TAF2: variants seen among roughly 807,000 people sequenced by gnomAD.
TAF2 encodes transcription initiation factor TFIID subunit 2.
A neutral mutation model predicts 138.5 loss-of-function variants in TAF2; 61 were observed. That is an observed-to-expected ratio of 0.44 (90% CI 0.36 to 0.54). TAF2 has a LOEUF of 0.54. TAF2 is among the 20% of genes least tolerant of loss of function. The pLI is 0.00. For synonymous variants in TAF2, 475 were observed against 469.9 expected, an observed-to-expected ratio of 1.01 and a Z score of -0.14; for missense variants, 1,090 against 1,427.9, an observed-to-expected ratio of 0.76 and a Z score of 3.81.
intron 24 of TAF2, among the ~76,000 whole-genome samples, chr8:119,744,064 T>C (rs949730415): frequency 2.6e-5 from 4 of 152,206 alleles, no homozygotes; most frequent in African/African-American, 4.8e-5. Context: ...ATGGATTTTA[T>C]ACAAGCAAAT....
intron 22 of TAF2, among the ~76,000 whole-genome samples, chr8:119,751,828 T>C (rs1820375080): frequency 6.6e-6 from 1 of 152,234 alleles, no homozygotes; most frequent in African/African-American, 2.4e-5. Flanking sequence ...TAAAAGGTCC[T>C]TGTCTTTAAA....
At chr8:119,760,916 A>G (rs1821020555) in intron 19 of TAF2, among the ~76,000 whole-genome samples, 178 bp from the exon 20 acceptor site, 1 of 152,236 alleles carries the variant, frequency 6.6e-6, no homozygotes, top group Admixed American at 6.5e-5. Context: ...TCAATGATGA[A>G]CTGCATATAC....
At chr8:119,799,330 C>T (rs994759821) in intron 6 of TAF2, among the ~76,000 whole-genome samples, 7 of 151,980 alleles carry the variant, frequency 4.6e-5, no homozygotes, top group Admixed American at 3.9e-4. Flanking sequence ...CGACAGGCCC[C>T]GGTGTGTGAT....
intron 6 of TAF2, among the ~76,000 whole-genome samples, chr8:119,800,196 T>C (rs112195289): frequency 3.3e-5 from 5 of 152,208 alleles, no homozygotes; most frequent in African/African-American, 9.7e-5. Flanking sequence ...GCTTTTGGTG[T>C]TTTAGATAAG....
rs1443731938 is a variant in TAF2, at chr8:119,788,091, G to A, written c.1793+247C>T. 2.0e-5 allele frequency among the ~76,000 whole-genome samples: 3 copies of A among 152,260 alleles called. No homozygotes were observed. The East Asian group carries it at 5.8e-4, about 29-fold the overall frequency. On this transcript the variant is annotated intron_variant, in intron 14 of 25. Transcript: ENST00000378164. Reference sequence around the variant, plus strand: ...CATCACACACCGGGGCCTGTCAGGAGGTGGGGGGCTAGGGGAAGGAGAGCA... The same window carrying A: ...CATCACACACCGGGGCCTGTCAGGAAGTGGGGGGCTAGGGGAAGGAGAGCA...
chr8:119,746,750 T>C lies in TAF2; in HGVS notation c.3063A>G (p.Ala1021=), dbSNP rs746738177. ...GCTGTGGGTGACTGCTTGGATTATT[T>C]GCAGCTTCTTGGTTGCCTGCTACTG... ...PESVAGNQEA[A]NNPSSHPQLV... Residue 1021 remains alanine (A), a synonymous_variant, in exon 23 of 26, where the codon GCA becomes GCG. Transcript: ENST00000378164. 93 of 1,614,174 alleles carry C rather than the reference T, an allele frequency of 5.8e-5. No individual in the cohort carries two copies. In the Admixed American group the frequency reaches 9.3e-4, roughly 16 times the overall value.
chr8:119,763,097 C>G (rs922851408), intron 18 of TAF2, among the ~76,000 whole-genome samples: 1 of 152,130 alleles, frequency 6.6e-6, no homozygotes, highest in Non-Finnish European at 1.5e-5. Flanking sequence ...TGTGATAACA[C>G]AAACTGCCAA....
intron 19 of TAF2, among the ~76,000 whole-genome samples, chr8:119,760,955 TTATC>T (rs1377762416): frequency 3.3e-5 from 5 of 149,956 alleles, no homozygotes; most frequent in African/African-American, 1.3e-4. Context: ...TAAAATTAAT[TTATC>T]ACTAAAGAAA....
chr8:119,751,970 G>A lies in TAF2; in HGVS notation c.2878+4036C>T, dbSNP rs993431318. 3.9e-5 allele frequency among the ~76,000 whole-genome samples: 6 copies of A among 152,000 alleles called. No homozygotes were observed. The East Asian group carries it at 9.7e-4, about 24-fold the overall frequency. On this transcript the variant is annotated intron_variant, in intron 22 of 25. Transcript: ENST00000378164. ...GGTGGGGTTTAATGATCATATTGTC[G>A]ATATGTAGAATGACCTTATTCTCAG...
At chr8:119,765,562 G>T (rs181760385) in intron 18 of TAF2, among the ~76,000 whole-genome samples, 7 of 152,242 alleles carry the variant, frequency 4.6e-5, no homozygotes, top group Admixed American at 2.6e-4. Flanking sequence ...TGGAGGGGTG[G>T]ACTGGGACCA....
Position 119,785,276 on chromosome 8 carries a change from A to G in TAF2, c.1794-10T>C, listed in dbSNP as rs1276297168. 1 of 1,598,040 alleles carries G rather than the reference A, an allele frequency of 6.3e-7. No individual in the cohort carries two copies. Among genetic ancestry groups the G allele is most frequent in the Admixed American group, 1.7e-5 (1 of 59,942 alleles). ...TTTTTTCTTTTTATTCCTACATTTA[A>G]GAAAAAGTAGGTTGGAAAATTGTGA... On this transcript the variant is annotated splice_polypyrimidine_tract_variant and intron_variant, in intron 14 of 25. Transcript: ENST00000378164.
intron 22 of TAF2, among the ~76,000 whole-genome samples, 166 bp from the exon 23 acceptor site, chr8:119,747,100 C>T (rs1294368498): frequency 2.0e-5 from 3 of 152,164 alleles, no homozygotes. Flanking sequence ...TCTAACATTC[C>T]AAAAACTGTA....
At chr8:119,784,783 A>G (rs2131146537) in intron 15 of TAF2, among the ~76,000 whole-genome samples, 1 of 152,324 alleles carries the variant, frequency 6.6e-6, no homozygotes, top group South Asian at 2.1e-4. Context: ...AGGACAAAGA[A>G]TCAATATCAC....
chr8:119,738,214 A>G (rs908914614), intron 25 of TAF2, among the ~76,000 whole-genome samples: 1 of 152,054 alleles, frequency 6.6e-6, no homozygotes, highest in African/African-American at 2.4e-5. Context: ...TCTCTCCTAA[A>G]TAATGTTTAC....
intron 18 of TAF2, among the ~76,000 whole-genome samples, chr8:119,764,211 G>A (rs1821271895): frequency 6.6e-6 from 1 of 151,978 alleles, no homozygotes; most frequent in African/African-American, 2.4e-5. Context: ...GGTCTGGTGG[G>A]GATATTAGAT....
intron 1 of TAF2, 59 bp from the exon 2 acceptor site, chr8:119,831,790 A>C: frequency 8.9e-7 from 1 of 1,119,074 alleles, no homozygotes; most frequent in Non-Finnish European, 1.3e-6. Flanking sequence ...ATTAAATCAA[A>C]GTATAATTCT....
At chr8:119,753,318 AT>A (rs1051442848) in intron 22 of TAF2, among the ~76,000 whole-genome samples, 2 of 152,084 alleles carry the variant, frequency 1.3e-5, no homozygotes, top group Non-Finnish European at 2.9e-5. Context: ...TTGCCATTAA[AT>A]TTTTTTAAAT....
chr8:119,807,783 G>A (rs1452187758), intron 3 of TAF2, among the ~76,000 whole-genome samples: 4 of 152,098 alleles, frequency 2.6e-5, no homozygotes, highest in Admixed American at 6.6e-5. Context: ...TTAGCCAGGC[G>A]TGGTGGTGCA....
intron 3 of TAF2, among the ~76,000 whole-genome samples, chr8:119,811,595 A>C (rs1271105904): frequency 6.6e-6 from 1 of 151,926 alleles, no homozygotes; most frequent in Non-Finnish European, 1.5e-5. Context: ...TCACGAGGTC[A>C]GGAGATCGAG....
Sources: allele counts gnomAD v4.1 joint callset (sites outside exome capture counted in the v4.1 genomes callset), GRCh38; gene constraint gnomAD v4.1.1; transcripts MANE v1.5; gene names NCBI Gene and HGNC (gene_info 2026-07-23, HGNC 2026-07-21).